Variants in MCMBP observed in about 807,000 individuals in gnomAD.
MCMBP encodes minichromosome maintenance complex binding protein.
MCMBP carries 31 observed loss-of-function variants against 81.3 expected under a neutral mutation model. That is an observed-to-expected ratio of 0.38 (90% CI 0.29 to 0.51). The LOEUF (loss-of-function observed/expected upper bound fraction) is 0.51. Ranked by LOEUF, MCMBP falls within the 20% of genes least tolerant of loss-of-function variation. The pLI, the probability that MCMBP is intolerant of heterozygous loss-of-function variation, is 0.87. For synonymous variants in MCMBP, 267 were observed against 275.9 expected (o/e 0.97, Z 0.32); for missense variants, 645 against 772.1 (o/e 0.84, Z 1.95).
chr10:119,831,405 AAATG>A lies in MCMBP; in HGVS notation c.*65_*68del. 6.3e-7 allele frequency: 1 copy of A among 1,578,034 alleles called. No homozygotes were observed. The highest frequency in any genetic ancestry group is 8.7e-7 in the Non-Finnish European group (1 of 1,154,564). Reference sequence around the variant, plus strand: ...AATTACCTATAAAACAATGTGGTATAAATGAATATCTGAATTTTACAATTATGTG... The same window carrying A: ...AATTACCTATAAAACAATGTGGTATAAATATCTGAATTTTACAATTATGTG... On this transcript the variant is annotated 3_prime_UTR_variant, in exon 16 of 16. Coordinates refer to ENST00000369077, the MANE Select transcript of MCMBP (RefSeq NM_001256378.2).
chr10:119,869,912 A>G (rs979231029), intron 1 of MCMBP, among the ~76,000 whole-genome samples: 1 of 152,236 alleles, frequency 6.6e-6, no homozygotes, highest in Non-Finnish European at 1.5e-5. Context: ...TGTTAGGAAT[A>G]TGCTAGATCT....
At position 119,830,488 on chromosome 10, in the gene MCMBP, T is replaced by A. The variant is rs1028830989; in HGVS notation, c.*986A>T. 1 of 152,168 alleles carries A rather than the reference T, an allele frequency of 6.6e-6. No homozygotes were observed. Among genetic ancestry groups the A allele is most frequent in the Non-Finnish European group, 1.5e-5 (1 of 68,012 alleles). 9.4% of individuals were successfully genotyped at this position (152,168 alleles called of 1,614,324 possible). On this transcript the variant is annotated 3_prime_UTR_variant, in exon 16 of 16. Coordinates refer to ENST00000369077, the MANE Select transcript of MCMBP (RefSeq NM_001256378.2). ...CCCATAAAAAATGCCAAAAATCCAA[T>A]AGAATCAAAGCAACTCAATGACATT...
At chr10:119,859,914 A>G in intron 1 of MCMBP, 30 bp from the exon 2 acceptor site, 1 of 1,490,764 alleles carries the variant, frequency 6.7e-7, no homozygotes, top group Non-Finnish European at 9.3e-7. Flanking sequence ...TTCAAAGCTA[A>G]TGTACATGCA....
At chr10:119,832,153 A>AT in intron 14 of MCMBP, 53 bp from the exon 15 acceptor site, 1 of 1,523,882 alleles carries the variant, frequency 6.6e-7, no homozygotes, top group South Asian at 1.2e-5. Context: ...GGAAAAGAAA[A>AT]TTAACATGGT....
intron 14 of MCMBP, among the ~76,000 whole-genome samples, chr10:119,832,829 CTG>C (rs1469908078): frequency 2.0e-5 from 3 of 152,218 alleles, no homozygotes; most frequent in Non-Finnish European, 4.4e-5. Flanking sequence ...ACCTGAGACA[CTG>C]GGTAACAGCT....
Position 119,860,860 on chromosome 10 carries a change from A to C in MCMBP, c.59-976T>G, listed in dbSNP as rs117148011. Among the ~76,000 whole-genome samples the C allele has an allele frequency of 5.7e-4, 87 of 152,348 alleles. No homozygotes were observed. In the East Asian group the frequency reaches 0.016, roughly 27 times the overall value. On this transcript the variant is annotated intron_variant, in intron 1 of 15. Transcript: ENST00000369077. ...CTGTATAAGTGATGTTTATCCTTCC[A>C]GATGTCTGAAAAGACATGATGTCCA...
At chr10:119,838,330 T>C (rs1168739056) in intron 12 of MCMBP, among the ~76,000 whole-genome samples, 6 of 150,440 alleles carry the variant, frequency 4.0e-5, no homozygotes, top group African/African-American at 1.5e-4. Flanking sequence ...TGTTCCATTG[T>C]ACTACTTTCA....
chr10:119,861,295 T>C (rs924330955), intron 1 of MCMBP, among the ~76,000 whole-genome samples: 1 of 152,142 alleles, frequency 6.6e-6, no homozygotes, highest in African/African-American at 2.4e-5. Flanking sequence ...GTGATACTAA[T>C]GTGTAGGCGT....
At chr10:119,858,063 G>A (rs1232531168) in intron 4 of MCMBP, 1 of 152,188 alleles carries the variant, frequency 6.6e-6, no homozygotes, top group Non-Finnish European at 1.5e-5. Context: ...ACTGTGCCAA[G>A]CCTAATGGAT....
At chr10:119,859,950 G>T in intron 1 of MCMBP, 66 bp from the exon 2 acceptor site, 1 of 1,209,374 alleles carries the variant, frequency 8.3e-7, no homozygotes, top group Non-Finnish European at 1.2e-6. Flanking sequence ...CTATGATCAG[G>T]TGAGTCACAC....
chr10:119,862,607 G>C (rs1322330050), intron 1 of MCMBP, among the ~76,000 whole-genome samples: 2 of 152,160 alleles, frequency 1.3e-5, no homozygotes, highest in African/African-American at 4.8e-5. Context: ...AGGACATTTA[G>C]ATTGTCTTCA....
upstream of MCMBP, chr10:119,873,314 C>A (rs1188561239): frequency 6.6e-6 from 1 of 152,196 alleles, no homozygotes; most frequent in East Asian, 1.9e-4. Flanking sequence ...TGACTTTTCC[C>A]TCAGCTGCAC....
intron 10 of MCMBP, among the ~76,000 whole-genome samples, chr10:119,841,377 T>C (rs1401522259): frequency 2.0e-5 from 3 of 152,182 alleles, no homozygotes; most frequent in South Asian, 2.1e-4. Flanking sequence ...ACAGACTGAT[T>C]TGAGAAAAGA....
intron 1 of MCMBP, among the ~76,000 whole-genome samples, chr10:119,860,428 G>T (rs1412473037): frequency 2.6e-5 from 4 of 152,020 alleles, no homozygotes; most frequent in African/African-American, 9.7e-5. Flanking sequence ...GCAGTATCAG[G>T]TATTTTTGCC....
intron 4 of MCMBP, chr10:119,857,964 T>C (rs941888635): frequency 2.6e-5 from 4 of 152,396 alleles, no homozygotes; most frequent in South Asian, 2.1e-4. Flanking sequence ...TTTAGAGTAA[T>C]GAACTCATTT....
At chr10:119,843,655 G>A (rs886297359) in intron 8 of MCMBP, among the ~76,000 whole-genome samples, 2 of 151,972 alleles carry the variant, frequency 1.3e-5, no homozygotes, top group Admixed American at 6.6e-5. Context: ...TTTCAAGAAC[G>A]GTATTTTTAT....
At chr10:119,851,337 G>C (rs188164278) in intron 6 of MCMBP, among the ~76,000 whole-genome samples, 1 of 152,244 alleles carries the variant, frequency 6.6e-6, no homozygotes, top group East Asian at 1.9e-4. Context: ...AACAAGAATG[G>C]TAAGAAATAA....
rs1019211854 is a variant in MCMBP, at chr10:119,836,763, T to G, written c.1542+133A>C. ...TTAATGATCAGCAGTCACAGTTTTTTTTTTTTTTTTTTTTTTTTTTTTTTT... is the reference window on the plus strand; with the variant it reads ...TTAATGATCAGCAGTCACAGTTTTTGTTTTTTTTTTTTTTTTTTTTTTTTT... On this transcript the variant is annotated intron_variant, in intron 13 of 15. Transcript: ENST00000369077. 4 of 14,278 alleles carry G rather than the reference T, an allele frequency of 2.8e-4. No homozygotes were observed. In the South Asian group the frequency reaches 9.6e-3, roughly 34 times the overall value. 0.9% of individuals were successfully genotyped at this position (14,278 alleles called of 1,614,324 possible). A position where few individuals can be genotyped will look rare whatever the true frequency, so the allele number is the denominator to read the frequency against.
At chr10:119,869,852 T>A (rs578192806) in intron 1 of MCMBP, among the ~76,000 whole-genome samples, 2 of 152,190 alleles carry the variant, frequency 1.3e-5, no homozygotes, top group African/African-American at 4.8e-5. Context: ...TAGCATCACA[T>A]ACTAAAAAGC....
Sources: allele counts gnomAD v4.1 joint callset (sites outside exome capture counted in the v4.1 genomes callset), GRCh38; gene constraint gnomAD v4.1.1; transcripts MANE v1.5; gene names NCBI Gene and HGNC (gene_info 2026-07-23, HGNC 2026-07-21).